The following IGF1R variants were observed in gnomAD, a reference collection of about 807,000 sequenced individuals.
The protein encoded by IGF1R is insulin-like growth factor 1 receptor.
IGF1R carries 44 observed loss-of-function variants against 144.6 expected under a neutral mutation model. That is an observed-to-expected ratio of 0.30 (90% CI 0.24 to 0.39). IGF1R has a LOEUF of 0.39. IGF1R is among the 10% of genes least tolerant of loss of function. The probability of loss-of-function intolerance (pLI) is 1.00; values close to 1 mark genes in which losing one functional copy is unlikely to be tolerated. For synonymous variants in IGF1R, 795 were observed against 722.8 expected (o/e 1.10, Z -1.60); for missense variants, 1,355 against 1,833.7 (o/e 0.74, Z 4.77).
intron 2 of IGF1R, among the ~76,000 whole-genome samples, chr15:98,887,987 C>T (rs946489157): frequency 1.8e-4 from 28 of 152,268 alleles, no homozygotes; most frequent in African/African-American, 6.3e-4. Context: ...GCAGTGGTCC[C>T]TGGCCTTCTT....
intron 6 of IGF1R, 152 bp downstream of exon 6, chr15:98,909,051 A>T: frequency 1.4e-6 from 1 of 720,692 alleles, no homozygotes; most frequent in Non-Finnish European, 2.5e-6. Flanking sequence ...GCTCCTACTT[A>T]TATGTCATCA....
chr15:98,946,753 T>C (rs978561823), intron 19 of IGF1R, among the ~76,000 whole-genome samples: 2 of 152,022 alleles, frequency 1.3e-5, no homozygotes, highest in East Asian at 3.9e-4. Flanking sequence ...AATGGAGCAG[T>C]TGGGCCGGGA....
chr15:98,809,828 CCTAGTTG>C (rs1469188517), intron 2 of IGF1R, among the ~76,000 whole-genome samples: 1 of 152,128 alleles, frequency 6.6e-6, no homozygotes, highest in Non-Finnish European at 1.5e-5. Flanking sequence ...CACTCTCCAT[CCTAGTTG>C]CTAAAGTCAC....
At chr15:98,775,717 C>G (rs775418662) in intron 2 of IGF1R, among the ~76,000 whole-genome samples, 31 of 152,322 alleles carry the variant, frequency 2.0e-4, no homozygotes, top group Non-Finnish European at 3.2e-4. Flanking sequence ...TACAGTGGGT[C>G]TCCCAGGTCA....
intron 2 of IGF1R, among the ~76,000 whole-genome samples, chr15:98,872,686 A>G (rs1388383097): frequency 6.6e-6 from 1 of 152,244 alleles, no homozygotes; most frequent in Non-Finnish European, 1.5e-5. Flanking sequence ...ACAGCAGCCA[A>G]TAAATGACAA....
intron 1 of IGF1R, among the ~76,000 whole-genome samples, chr15:98,651,239 C>G (rs1240836715): frequency 1.3e-5 from 2 of 152,182 alleles, no homozygotes; most frequent in Non-Finnish European, 2.9e-5. Flanking sequence ...TAAACAAATC[C>G]TTAAACGTCT....
At chr15:98,858,704 G>A (rs899343791) in intron 2 of IGF1R, among the ~76,000 whole-genome samples, 1 of 152,218 alleles carries the variant, frequency 6.6e-6, no homozygotes, top group African/African-American at 2.4e-5. Flanking sequence ...CTCCTCCATT[G>A]TTCAGCGCAG....
intron 20 of IGF1R, chr15:98,954,082 C>G (rs2016884702): frequency 6.6e-6 from 1 of 152,260 alleles, no homozygotes; most frequent in African/African-American, 2.4e-5. Flanking sequence ...CGTGCTGATT[C>G]CCGGCAGCGT....
At chr15:98,784,742 A>G (rs2055949258) in intron 2 of IGF1R, among the ~76,000 whole-genome samples, 1 of 152,188 alleles carries the variant, frequency 6.6e-6, no homozygotes, top group Non-Finnish European at 1.5e-5. Flanking sequence ...ACAACAATAA[A>G]GACAACAAAT....
chr15:98,813,739 C>A (rs2056640919), intron 2 of IGF1R, among the ~76,000 whole-genome samples: 1 of 152,220 alleles, frequency 6.6e-6, no homozygotes, highest in South Asian at 2.1e-4. Context: ...AGGCAATTTA[C>A]TGGATGCAGA....
chr15:98,694,158 G>T (rs1050077737), intron 1 of IGF1R, among the ~76,000 whole-genome samples: 2 of 152,002 alleles, frequency 1.3e-5, no homozygotes, highest in Non-Finnish European at 2.9e-5. Flanking sequence ...AAGCATAATT[G>T]TTCGTGTCTA....
At chr15:98,887,675 C>G (rs1011214716) in intron 2 of IGF1R, among the ~76,000 whole-genome samples, 1 of 152,198 alleles carries the variant, frequency 6.6e-6, no homozygotes, top group Non-Finnish European at 1.5e-5. Context: ...TGCTGGCACA[C>G]GCCTGACGAG....
At chr15:98,895,103 G>C (rs990253037) in intron 3 of IGF1R, among the ~76,000 whole-genome samples, 6 of 152,124 alleles carry the variant, frequency 3.9e-5, no homozygotes, top group Middle Eastern at 3.4e-3. Context: ...GACTAGGTTG[G>C]GCAGGGCAGT....
chr15:98,704,955 T>A lies in IGF1R; in HGVS notation c.95-2607T>A, dbSNP rs1433316596. ...CTCTTTGATTCTTAACGTGAGCAAC[T>A]CAGAGAATGAGAGTGCTGCAGTTTA... On this transcript the variant is annotated intron_variant, in intron 1 of 20. Coordinates refer to ENST00000650285, the MANE Select transcript of IGF1R (RefSeq NM_000875.5). This position sits in a 1 kb window ranked among gnomAD's most constrained non-coding sequence, Gnocchi z 4.9. Among the ~76,000 whole-genome samples the A allele has an allele frequency of 6.6e-6, 1 of 152,160 alleles. No individual in the cohort carries two copies. Among genetic ancestry groups the A allele is most frequent in the African/African-American group, 2.4e-5 (1 of 41,440 alleles).
intron 2 of IGF1R, among the ~76,000 whole-genome samples, chr15:98,837,688 T>G (rs1049587616): frequency 1.3e-5 from 2 of 152,130 alleles, no homozygotes; most frequent in African/African-American, 4.8e-5. Context: ...GTGGAGCTTA[T>G]CTACAATAAT....
At chr15:98,947,825 T>G (rs56189013) in intron 19 of IGF1R, among the ~76,000 whole-genome samples, 356 of 152,286 alleles carry the variant, frequency 2.3e-3, no homozygotes, top group African/African-American at 8.3e-3. Flanking sequence ...CCCCCACCTG[T>G]GACACAGAGG....
intron 1 of IGF1R, among the ~76,000 whole-genome samples, chr15:98,676,391 C>T (rs192054987): frequency 3.9e-5 from 6 of 152,192 alleles, no homozygotes; most frequent in Non-Finnish European, 8.8e-5. Flanking sequence ...CTGCCTCGAC[C>T]TCCCAAAGTG....
intron 10 of IGF1R, among the ~76,000 whole-genome samples, chr15:98,921,903 G>A (rs150239093): frequency 4.7e-4 from 71 of 152,168 alleles, no homozygotes; most frequent in Non-Finnish European, 8.7e-4. Flanking sequence ...AGGTAAAATC[G>A]AAGAACCACT....
intron 1 of IGF1R, among the ~76,000 whole-genome samples, chr15:98,685,828 G>T (rs969763367): frequency 6.6e-6 from 1 of 152,218 alleles, no homozygotes; most frequent in Non-Finnish European, 1.5e-5. Context: ...CTCCTTGGGT[G>T]GTGTGGCAGC....
Sources: gnomAD v4.1 joint callset for allele counts (sites outside exome capture counted in the v4.1 genomes callset) on GRCh38, gnomAD v4.1.1 for gene constraint, Gnocchi (gnomAD v3.1) non-coding constraint, MANE v1.5 for transcripts, NCBI Gene and HGNC (gene_info 2026-07-23, HGNC 2026-07-21) for gene names.